The following CCSER2 variants were observed in gnomAD, a reference collection of about 807,000 sequenced individuals.
The protein encoded by CCSER2 is coiled-coil serine rich protein 2, also known as serine-rich coiled-coil domain-containing protein 2.
Under a neutral mutation model 92.3 loss-of-function variants are expected in CCSER2, and 46 were observed. The ratio of observed to expected loss-of-function variants is 0.50; its 90% CI spans 0.39 to 0.64. The LOEUF is 0.64. Ranked by LOEUF, CCSER2 falls within the 30% of genes least tolerant of loss-of-function variation. The pLI, the probability that CCSER2 is intolerant of heterozygous loss-of-function variation, is 0.00. For missense variants in CCSER2, 1,244 were observed against 1,238.9 expected, an observed-to-expected ratio of 1.00 and a Z score of -0.06; for synonymous variants, 433 against 431.4, an observed-to-expected ratio of 1.00 and a Z score of -0.04.
rs574318262 is a variant in CCSER2 at position 84,371,987 on chromosome 10, C to T, written c.935C>T (p.Thr312Ile). ...ALPNGPGVTS[T>I]LGYRMVHPSL... ...CCAAATGGCCCAGGTGTAACTTCTACTTTAGGTTATAGAATGGTTCATCCC... is the reference window on the plus strand; with the variant it reads ...CCAAATGGCCCAGGTGTAACTTCTATTTTAGGTTATAGAATGGTTCATCCC... The change falls in exon 2 of 10, where the codon ACT becomes ATT. Residue 312 changes from threonine to isoleucine, a missense_variant. Coordinates refer to ENST00000372088, the MANE Select transcript of CCSER2 (RefSeq NM_001284240.2). 1 of 1,613,668 alleles carries T rather than the reference C, an allele frequency of 6.2e-7. No individual in the cohort carries two copies. Among genetic ancestry groups the T allele is most frequent in the Non-Finnish European group, 8.5e-7 (1 of 1,179,738 alleles).
chr10:84,394,345 G>T (rs555447868), intron 3 of CCSER2, among the ~76,000 whole-genome samples: 2 of 150,388 alleles, frequency 1.3e-5, no homozygotes, highest in African/African-American at 4.9e-5. Flanking sequence ...ATTTATAAAT[G>T]ATTAGTATGC....
intron 9 of CCSER2, among the ~76,000 whole-genome samples, chr10:84,489,907 C>T (rs568642960): frequency 6.6e-6 from 1 of 152,270 alleles, no homozygotes; most frequent in East Asian, 1.9e-4. Context: ...TTAGTGCTTC[C>T]TTCAGGAGCT....
At chr10:84,420,488 A>G (rs1843086025) in intron 4 of CCSER2, among the ~76,000 whole-genome samples, 1 of 152,306 alleles carries the variant, frequency 6.6e-6, no homozygotes, top group Admixed American at 6.5e-5. Context: ...GTCCCGAACA[A>G]TTATACACAC....
chr10:84,403,545 C>G (rs1158294264), intron 3 of CCSER2, among the ~76,000 whole-genome samples: 1 of 152,124 alleles, frequency 6.6e-6, no homozygotes, highest in African/African-American at 2.4e-5. Context: ...TGACAAAGTT[C>G]TCGTGTCCAA....
chr10:84,345,734 A>G (rs1485516267), intron 1 of CCSER2, among the ~76,000 whole-genome samples: 1 of 152,192 alleles, frequency 6.6e-6, no homozygotes, highest in Admixed American at 6.5e-5. Flanking sequence ...TGTGGGTTAA[A>G]TATAATGTAC....
At chr10:84,491,741 A>G (rs1477349152) in intron 9 of CCSER2, among the ~76,000 whole-genome samples, 3 of 151,912 alleles carry the variant, frequency 2.0e-5, no homozygotes, top group African/African-American at 4.8e-5. Context: ...GGCTGCATAC[A>G]CTGTCCTGTC....
chr10:84,490,746 A>T (rs1002219578), intron 9 of CCSER2, among the ~76,000 whole-genome samples: 3 of 152,186 alleles, frequency 2.0e-5, no homozygotes, highest in African/African-American at 7.2e-5. Flanking sequence ...AACTTGTCGA[A>T]GTCATTCTCC....
intron 7 of CCSER2, 78 bp from the exon 8 acceptor site, chr10:84,470,294 C>G: frequency 1.2e-6 from 1 of 825,436 alleles, no homozygotes; most frequent in Non-Finnish European, 1.6e-6. Flanking sequence ...TTGTTCATTA[C>G]TGTGTCTTCA....
intron 7 of CCSER2, among the ~76,000 whole-genome samples, chr10:84,469,140 C>T (rs1288812369): frequency 1.3e-5 from 2 of 152,020 alleles, no homozygotes; most frequent in African/African-American, 4.8e-5. Flanking sequence ...TAGCTTTTAA[C>T]TAATGTTAAT....
chr10:84,407,668 C>A (rs1670802451), intron 3 of CCSER2, among the ~76,000 whole-genome samples: 1 of 152,210 alleles, frequency 6.6e-6, no homozygotes, highest in South Asian at 2.1e-4. Context: ...TGCACTGCAG[C>A]CAGAATAATA....
intron 1 of CCSER2, among the ~76,000 whole-genome samples, chr10:84,339,045 G>A (rs767888904): frequency 3.3e-5 from 5 of 150,742 alleles, no homozygotes; most frequent in Non-Finnish European, 7.4e-5. Context: ...ACCAGGTTCT[G>A]TTTTTGCTAA....
intron 6 of CCSER2, among the ~76,000 whole-genome samples, chr10:84,463,725 T>A (rs1342892684): frequency 6.6e-6 from 1 of 152,242 alleles, no homozygotes; most frequent in African/African-American, 2.4e-5. Context: ...ATTCTTGCCG[T>A]AGCTCCCTTT....
chr10:84,378,432 A>ATTTTT (rs386371982), intron 3 of CCSER2, among the ~76,000 whole-genome samples: 2 of 135,936 alleles, frequency 1.5e-5, no homozygotes, highest in African/African-American at 2.7e-5. Context: ...TTAAAATTAA[A>ATTTTT]TTTTTTTTTT....
rs530976086 is a variant in CCSER2, at chr10:84,466,248, A to G, written c.2148+2232A>G. ...AAATGGTTTAGCAGTGCAGTTTCAAATGACACAAATACTGCATCTCGTGCC... is the reference window on the plus strand; with the variant it reads ...AAATGGTTTAGCAGTGCAGTTTCAAGTGACACAAATACTGCATCTCGTGCC... On this transcript the variant is annotated intron_variant, in intron 7 of 9. Transcript: ENST00000372088. 2.0e-4 allele frequency among the ~76,000 whole-genome samples: 30 copies of G among 152,262 alleles called. 3 individuals carry two copies. The East Asian group carries it at 5.8e-3, about 29-fold the overall frequency.
chr10:84,410,780 A>G (rs565417287), intron 3 of CCSER2, among the ~76,000 whole-genome samples: 10 of 152,216 alleles, frequency 6.6e-5, no homozygotes, highest in Non-Finnish European at 1.2e-4. Context: ...CCCATTTGTC[A>G]ATTTTTGCTT....
At chr10:84,350,094 A>T (rs1220329939) in intron 1 of CCSER2, among the ~76,000 whole-genome samples, 1 of 152,338 alleles carries the variant, frequency 6.6e-6, no homozygotes, top group East Asian at 1.9e-4. Context: ...TGGAGGTTGC[A>T]GTGAGCCGAT....
At position 84,516,787 on chromosome 10, in the gene CCSER2, G is replaced by A. The variant is rs1311404005; in HGVS notation, c.*2520G>A. On this transcript the variant is annotated 3_prime_UTR_variant, in exon 10 of 10. Coordinates refer to ENST00000372088, the MANE Select transcript of CCSER2 (RefSeq NM_001284240.2). ...GATTTGCAGAAATGTTAACCAATTA[G>A]CTCAACTTTTCTCTACCTTTGTTGA... The A allele has an allele frequency of 1.3e-5, 2 of 151,902 alleles. No individual in the cohort carries two copies. Among genetic ancestry groups the A allele is most frequent in the African/African-American group, 2.4e-5 (1 of 41,354 alleles). The allele number at this position is 151,902 out of a possible 1,614,324, so 9.4% of individuals were successfully genotyped here.
chr10:84,494,838 T>A (rs186871073), intron 9 of CCSER2, among the ~76,000 whole-genome samples: 41 of 152,284 alleles, frequency 2.7e-4, no homozygotes, highest in Non-Finnish European at 5.0e-4. Context: ...CGGAAAGGGG[T>A]CTGATCCAGA....
chr10:84,349,439 G>A (rs1844739994), intron 1 of CCSER2, among the ~76,000 whole-genome samples: 1 of 151,832 alleles, frequency 6.6e-6, no homozygotes, highest in African/African-American at 2.4e-5. Flanking sequence ...TGGGGAGGCA[G>A]GAGGGTCACT....
Sources: gnomAD v4.1 joint callset for allele counts (sites outside exome capture counted in the v4.1 genomes callset) on GRCh38, gnomAD v4.1.1 for gene constraint, MANE v1.5 for transcripts, NCBI Gene and HGNC (gene_info 2026-07-23, HGNC 2026-07-21) for gene names.